The following TSPAN9 variants were observed in gnomAD, a reference collection of about 807,000 sequenced individuals.
The protein encoded by TSPAN9 is tetraspanin-9.
Under a neutral mutation model 31.0 loss-of-function variants are expected in TSPAN9, and 16 were observed. The ratio of observed to expected loss-of-function variants is 0.52; its 90% CI spans 0.35 to 0.78. TSPAN9 has a LOEUF of 0.78. Among genes scored for constraint, TSPAN9 ranks in the 30% least tolerant of loss-of-function variants. The probability of loss-of-function intolerance (pLI) is 0.01; values close to 1 mark genes in which losing one functional copy is unlikely to be tolerated. For synonymous variants in TSPAN9, 145 were observed against 121.6 expected (o/e 1.19, Z -1.27); for missense variants, 272 against 312.5 (o/e 0.87, Z 0.98).
intron 3 of TSPAN9, among the ~76,000 whole-genome samples, chr12:3,254,886 G>A (rs1353266144): frequency 6.6e-6 from 1 of 152,184 alleles, no homozygotes; most frequent in Non-Finnish European, 1.5e-5. Context: ...TCTACGGTTT[G>A]TGACCACTGC....
chr12:3,094,022 T>C (rs574051808), intron 2 of TSPAN9, among the ~76,000 whole-genome samples: 9 of 143,108 alleles, frequency 6.3e-5, no homozygotes, highest in African/African-American at 1.9e-4. Context: ...AACACCATGA[T>C]TGACTAATTA....
At chr12:3,136,272 G>C (rs2098332087) in intron 2 of TSPAN9, among the ~76,000 whole-genome samples, 1 of 152,220 alleles carries the variant, frequency 6.6e-6, no homozygotes, top group South Asian at 2.1e-4. Flanking sequence ...ATCAGGTGCA[G>C]CTGAGCGGGG....
intron 2 of TSPAN9, among the ~76,000 whole-genome samples, chr12:3,097,814 C>T (rs185534890): frequency 2.2e-4 from 33 of 152,364 alleles, no homozygotes; most frequent in African/African-American, 7.9e-4. Context: ...TCTCCCACAT[C>T]AGGCTAGGGA....
intron 2 of TSPAN9, among the ~76,000 whole-genome samples, chr12:3,096,699 C>T (rs7961285): frequency 0.48 from 70,462 of 147,734 alleles, 17,210 homozygotes; most frequent in African/African-American, 0.56. Context: ...TTCTTTCTTT[C>T]TTTTTTTTTT....
chr12:3,150,703 A>T (rs1375383211), intron 2 of TSPAN9, among the ~76,000 whole-genome samples: 5 of 152,092 alleles, frequency 3.3e-5, no homozygotes, highest in African/African-American at 4.8e-5. Context: ...GGGTTGCCTT[A>T]GCTAATTCCC....
chr12:3,207,054 G>A (rs557700897), intron 3 of TSPAN9, among the ~76,000 whole-genome samples: 133 of 152,212 alleles, frequency 8.7e-4, no homozygotes, highest in Non-Finnish European at 1.6e-3. Flanking sequence ...ACAAAGGGTC[G>A]TGCCAGTCTG....
chr12:3,173,712 T>C (rs2098353413), intron 2 of TSPAN9: 1 of 152,170 alleles, frequency 6.6e-6, no homozygotes, highest in Non-Finnish European at 1.5e-5. Flanking sequence ...CCCCTGGTCT[T>C]GACCTCCTGG....
At chr12:3,160,537 C>G (rs1274902075) in intron 2 of TSPAN9, among the ~76,000 whole-genome samples, 2 of 152,184 alleles carry the variant, frequency 1.3e-5, no homozygotes, top group African/African-American at 4.8e-5. Context: ...AGTGGCTATA[C>G]CATTTTACAT....
At position 3,146,676 on chromosome 12, in the gene TSPAN9, A is replaced by G. The variant is rs1391739136; in HGVS notation, c.-17-54501A>G. Reference sequence around the variant, plus strand: ...CTCTCCTCCTCTTTCCTGCCTCCTTATCTTTCTCCACCTGCTTTGTGTCTA... The same window carrying G: ...CTCTCCTCCTCTTTCCTGCCTCCTTGTCTTTCTCCACCTGCTTTGTGTCTA... On this transcript the variant is annotated intron_variant, in intron 2 of 8. Transcript: ENST00000011898. 2.6e-5 allele frequency among the ~76,000 whole-genome samples: 4 copies of G among 151,952 alleles called. No individual in the cohort carries two copies. The East Asian group carries it at 7.7e-4, about 29-fold the overall frequency.
intron 3 of TSPAN9, among the ~76,000 whole-genome samples, chr12:3,256,063 G>A (rs550437789): frequency 5.9e-5 from 9 of 151,936 alleles, no homozygotes; most frequent in African/African-American, 9.7e-5. Context: ...GATCTAGGCC[G>A]GTCCCCCATT....
At chr12:3,222,523 G>A (rs1439572408) in intron 3 of TSPAN9, among the ~76,000 whole-genome samples, 2 of 152,230 alleles carry the variant, frequency 1.3e-5, no homozygotes, top group Non-Finnish European at 2.9e-5. Flanking sequence ...TGGATTTACA[G>A]GGGTCTTGGC....
intron 1 of TSPAN9, among the ~76,000 whole-genome samples, chr12:3,082,120 A>G (rs1302165950): frequency 2.0e-5 from 3 of 152,216 alleles, no homozygotes; most frequent in Non-Finnish European, 4.4e-5. Context: ...ATGACAGTTC[A>G]AAGGACAAGG....
intron 1 of TSPAN9, among the ~76,000 whole-genome samples, chr12:3,079,503 C>T (rs1210146564): frequency 6.6e-6 from 1 of 151,926 alleles, no homozygotes; most frequent in African/African-American, 2.4e-5. Flanking sequence ...CTTTTGTTGC[C>T]CAGGCTGGAG....
At chr12:3,084,587 C>G (rs958748156) in intron 2 of TSPAN9, among the ~76,000 whole-genome samples, 29 of 152,196 alleles carry the variant, frequency 1.9e-4, no homozygotes, top group African/African-American at 6.5e-4. Context: ...CCATGCCTTG[C>G]ACGTTATACT....
chr12:3,087,549 T>TA (rs1191098545), intron 2 of TSPAN9, among the ~76,000 whole-genome samples: 1 of 152,072 alleles, frequency 6.6e-6, no homozygotes, highest in Admixed American at 6.6e-5. Context: ...GACTCACACC[T>TA]GTAATGCCAG....
rs1216423079 is a variant in TSPAN9, at chr12:3,281,633, A to G, written c.565-101A>G. Reference sequence around the variant, plus strand: ...CTGAGGCCAGGGAGGGCTGGGAGGTAAGAGCGAGGACGAGGTGGAAGGAGA... The same window carrying G: ...CTGAGGCCAGGGAGGGCTGGGAGGTGAGAGCGAGGACGAGGTGGAAGGAGA... On this transcript the variant is annotated intron_variant, in intron 7 of 8. Transcript: ENST00000011898. 6.6e-6 allele frequency: 9 copies of G among 1,360,124 alleles called. No homozygotes were observed. In the Admixed American group the frequency reaches 8.1e-5, roughly 12 times the overall value. 84.3% of individuals were successfully genotyped at this position (1,360,124 alleles called of 1,614,324 possible).
Position 3,248,624 on chromosome 12 carries a change from GGTGGAA to G in TSPAN9, c.64-29796_64-29791del, listed in dbSNP as rs1437237260. ...CTCATTCCTTACAGTGAGCCTGGGAGGTGGAATAGATCATATTTTTTTTTTTTGGAG... is the reference window on the plus strand; with the variant it reads ...CTCATTCCTTACAGTGAGCCTGGGAGTAGATCATATTTTTTTTTTTTGGAG... On this transcript the variant is annotated intron_variant, in intron 3 of 8. Transcript: ENST00000011898. Among the ~76,000 whole-genome samples, 770 of 46,320 alleles carry G rather than the reference GGTGGAA, an allele frequency of 0.017. 23 individuals carry two copies. The Admixed American group carries it at 0.17, about 10-fold the overall frequency. 30.4% of individuals were successfully genotyped at this position (46,320 alleles called of 152,430 possible).
At chr12:3,141,058 G>A (rs1444461943) in intron 2 of TSPAN9, among the ~76,000 whole-genome samples, 1 of 151,880 alleles carries the variant, frequency 6.6e-6, no homozygotes, top group Non-Finnish European at 1.5e-5. Context: ...GGCCAGAGGG[G>A]AGCCGTGAGA....
intron 3 of TSPAN9, among the ~76,000 whole-genome samples, chr12:3,241,948 G>C (rs768969930): frequency 1.3e-4 from 20 of 152,242 alleles, no homozygotes; most frequent in Non-Finnish European, 2.8e-4. Context: ...CACACAGGGG[G>C]CCACTCGCCC....
Sources: gnomAD v4.1 joint callset for allele counts (sites outside exome capture counted in the v4.1 genomes callset) on GRCh38, gnomAD v4.1.1 for gene constraint, MANE v1.5 for transcripts, NCBI Gene and HGNC (gene_info 2026-07-23, HGNC 2026-07-21) for gene names.